Variants in TRIP11 observed in about 807,000 individuals in gnomAD.
TRIP11 encodes thyroid hormone receptor interactor 11, also known as thyroid receptor-interacting protein 11.
In TRIP11, 148 loss-of-function variants were observed where a neutral mutation model predicts 223.1. That is an observed-to-expected ratio of 0.66 (90% confidence interval 0.58 to 0.76). TRIP11 has a LOEUF of 0.76. TRIP11 is among the 30% of genes least tolerant of loss of function. TRIP11 has a pLI of 0.00. For synonymous variants in TRIP11, 762 were observed against 772.6 expected, an observed-to-expected ratio of 0.99 and a Z score of 0.23; for missense variants, 2,043 against 2,222.0, an observed-to-expected ratio of 0.92 and a Z score of 1.62.
At chr14:92,025,216 G>T in intron 3 of TRIP11, 94 bp downstream of exon 3, 1 of 956,922 alleles carries the variant, frequency 1.0e-6, no homozygotes, top group South Asian at 1.4e-5. Flanking sequence ...TATTTTTACA[G>T]ATCTGAATAT....
rs187876333 is a variant in TRIP11 at position 92,018,019 on chromosome 14, A to T, written c.589-269T>A. On this transcript the variant is annotated intron_variant, in intron 4 of 20. Transcript: ENST00000267622. ...AAAGTTAAGGTAGAAAAATTTATAG[A>T]ATATTTTACTTAGCTTGACAAAATG... Among the ~76,000 whole-genome samples, 87 of 152,308 alleles carry T rather than the reference A, an allele frequency of 5.7e-4. 2 individuals carry two copies. In the East Asian group the frequency reaches 0.015, roughly 26 times the overall value.
chr14:92,015,982 G>T, intron 5 of TRIP11, 121 bp from the exon 6 acceptor site: 1 of 1,009,930 alleles, frequency 9.9e-7, no homozygotes, highest in Non-Finnish European at 1.4e-6. Context: ...TGTTAAGGCT[G>T]AAAAGAATTT....
chr14:91,992,691 C>T (rs113732705), intron 15 of TRIP11, among the ~76,000 whole-genome samples: 5,316 of 151,820 alleles, frequency 0.035, 134 homozygotes, highest in Middle Eastern at 0.055. Context: ...GGGCGGATCA[C>T]GAGGTCAGGA....
chr14:92,012,996 C>T lies in TRIP11; in HGVS notation c.1187-1201G>A, dbSNP rs140609289. Reference sequence around the variant, plus strand: ...TAAAAGCTAACTCTTCAGCTGGGGGCGGTGGCTCACGCCTGTAATCCCAGC... The same window carrying T: ...TAAAAGCTAACTCTTCAGCTGGGGGTGGTGGCTCACGCCTGTAATCCCAGC... On this transcript the variant is annotated intron_variant, in intron 7 of 20. Transcript: ENST00000267622. Among the ~76,000 whole-genome samples, 1,044 of 152,232 alleles carry T rather than the reference C, an allele frequency of 6.9e-3. 9 individuals are homozygous for T. The highest frequency in any genetic ancestry group is 0.023 in the African/African-American group (951 of 41,546).
At chr14:91,976,628 G>A (rs1362323788) in intron 16 of TRIP11, among the ~76,000 whole-genome samples, 1 of 152,114 alleles carries the variant, frequency 6.6e-6, no homozygotes, top group Non-Finnish European at 1.5e-5. Context: ...AGCTGACTAA[G>A]AAGCGTATCT....
intron 15 of TRIP11, among the ~76,000 whole-genome samples, chr14:91,991,217 A>T (rs79300016): frequency 0.012 from 1,842 of 152,186 alleles, 40 homozygotes; most frequent in African/African-American, 0.041. Flanking sequence ...GGTTCCTTGC[A>T]AGAGGAGGAG....
intron 2 of TRIP11, chr14:92,026,426 A>C: frequency 3.2e-6 from 2 of 619,770 alleles, no homozygotes; most frequent in Non-Finnish European, 5.8e-6. Context: ...GGGGCGCCCC[A>C]CTGGCTGCTC....
intron 16 of TRIP11, among the ~76,000 whole-genome samples, chr14:91,986,801 C>T (rs2056609475): frequency 6.6e-6 from 1 of 152,124 alleles, no homozygotes; most frequent in African/African-American, 2.4e-5. Context: ...CACTGGCCTT[C>T]GATCTAACTA....
chr14:91,969,988 T>C, intron 20 of TRIP11, 95 bp from the exon 21 acceptor site: 1 of 1,198,314 alleles, frequency 8.3e-7, no homozygotes, highest in South Asian at 1.3e-5. Context: ...ATCTGTGTAA[T>C]ATTGTTAAAT....
chr14:91,989,944 A>G (rs2056652171), intron 15 of TRIP11, among the ~76,000 whole-genome samples: 1 of 152,118 alleles, frequency 6.6e-6, no homozygotes, highest in African/African-American at 2.4e-5. Flanking sequence ...TGTGGACAAC[A>G]GCTTTGGCCC....
In TRIP11 at chr14:92,004,307, C is replaced by G. The variant is rs144920623; in HGVS notation, c.3669G>C (p.Glu1223Asp). ...KLKQQVKKME[E>D]WKQQVMTTVQ... ...CTGTGGTCATCACCTGCTGCTTCCA[C>G]TCTTCCATTTTCTTTACTTGCTGTT... Residue 1223 changes from glutamate (E) to aspartate (D), a missense_variant, in exon 11 of 21, where the codon GAG (glutamate) becomes GAC (aspartate). By Grantham distance (45) the Glu-to-Asp change is conservative. Coordinates refer to ENST00000267622, the MANE Select transcript of TRIP11 (RefSeq NM_004239.4). 1 of 1,614,008 alleles carries G rather than the reference C, an allele frequency of 6.2e-7. No individual in the cohort carries two copies. Among genetic ancestry groups the G allele is most frequent in the African/African-American group, 1.3e-5 (1 of 74,928 alleles).
chr14:92,029,869 T>C (rs533961661), intron 2 of TRIP11, among the ~76,000 whole-genome samples: 36 of 151,802 alleles, frequency 2.4e-4, no homozygotes, highest in African/African-American at 6.8e-4. Flanking sequence ...AATCTTCAGA[T>C]GGCAATATCC....
chr14:92,000,217 G>T, intron 11 of TRIP11, 109 bp from the exon 12 acceptor site: 1 of 1,508,870 alleles, frequency 6.6e-7, no homozygotes, highest in Non-Finnish European at 9.0e-7. Context: ...AAATAGGGCA[G>T]CCTCCCGATT....
In TRIP11 at chr14:91,993,911, C is replaced by T; in HGVS notation, c.5058G>A (p.Glu1686=). Reference sequence around the variant, plus strand: ...GTTCAGCAGAATACATAGCTTTTTCCTCTAAAGAGAAAAGAAAGTTAACAT... The same window carrying T: ...GTTCAGCAGAATACATAGCTTTTTCTTCTAAAGAGAAAAGAAAGTTAACAT... The part of the protein sequence containing the change: ...LQMVLEHFQQ[E]EKAMYSAELE... Residue 1686 remains glutamate, a splice_region_variant and synonymous_variant, in exon 15 of 21, where the codon GAG becomes GAA. Transcript: ENST00000267622. 6.2e-7 allele frequency: 1 copy of T among 1,610,280 alleles called. No homozygotes were observed. Among genetic ancestry groups the T allele is most frequent in the Non-Finnish European group, 8.5e-7 (1 of 1,177,466 alleles).
At chr14:92,007,022 G>T (rs183848213) in intron 10 of TRIP11, among the ~76,000 whole-genome samples, 13 of 147,938 alleles carry the variant, frequency 8.8e-5, no homozygotes, top group Admixed American at 8.7e-4. Flanking sequence ...ACCAAAGATG[G>T]TAAATAGTAT....
intron 11 of TRIP11, 83 bp from the exon 12 acceptor site, chr14:92,000,191 AATTC>A (rs2140111396): frequency 6.3e-7 from 1 of 1,581,240 alleles, no homozygotes; most frequent in South Asian, 1.1e-5. Flanking sequence ...CTCAATTATT[AATTC>A]ATTTAATTTT....
At chr14:91,987,429 C>T (rs1359162315) in intron 16 of TRIP11, among the ~76,000 whole-genome samples, 2 of 152,190 alleles carry the variant, frequency 1.3e-5, no homozygotes, top group African/African-American at 4.8e-5. Context: ...GTCTAAGTCA[C>T]TGCTTCTGTT....
chr14:91,979,746 A>G (rs2056513094), intron 16 of TRIP11, among the ~76,000 whole-genome samples: 1 of 152,120 alleles, frequency 6.6e-6, no homozygotes. Context: ...AAAGTCAAAC[A>G]CCTACTACAA....
chr14:92,002,334 T>C (rs2056837494), intron 11 of TRIP11, among the ~76,000 whole-genome samples: 1 of 152,154 alleles, frequency 6.6e-6, no homozygotes, highest in South Asian at 2.1e-4. Flanking sequence ...GTTTTATAGC[T>C]GAATAAACCA....
Sources: gnomAD v4.1 joint callset for allele counts (sites outside exome capture counted in the v4.1 genomes callset) on GRCh38, gnomAD v4.1.1 for gene constraint, MANE v1.5 for transcripts, NCBI Gene and HGNC (gene_info 2026-07-23, HGNC 2026-07-21) for gene names.